SEMA5A: variants seen among roughly 807,000 people sequenced by gnomAD.
The protein encoded by SEMA5A is semaphorin 5A.
SEMA5A carries 55 observed loss-of-function variants against 135.5 expected under a neutral mutation model. The ratio of observed to expected loss-of-function variants is 0.41; its 90% CI spans 0.33 to 0.51. The LOEUF (loss-of-function observed/expected upper bound fraction) is 0.51. SEMA5A is among the 20% of genes least tolerant of loss of function. SEMA5A has a pLI of 0.37. For synonymous variants in SEMA5A, 580 were observed against 546.5 expected (o/e 1.06, Z -0.85); for missense variants, 1,290 against 1,419.9 (o/e 0.91, Z 1.47).
At chr5:9,311,248 T>C (rs1752117753) in intron 5 of SEMA5A, among the ~76,000 whole-genome samples, 1 of 152,016 alleles carries the variant, frequency 6.6e-6, no homozygotes, top group South Asian at 2.1e-4. Context: ...TGACAACTAA[T>C]AATGTCCCCA....
intron 5 of SEMA5A, among the ~76,000 whole-genome samples, chr5:9,244,791 G>A (rs1251853953): frequency 6.6e-6 from 1 of 152,224 alleles, no homozygotes; most frequent in Admixed American, 6.5e-5. Flanking sequence ...AGGCTTGGCA[G>A]CCCTTGAGCT....
intron 10 of SEMA5A, among the ~76,000 whole-genome samples, chr5:9,191,419 C>G (rs143189156): frequency 9.5e-4 from 144 of 152,286 alleles, no homozygotes; most frequent in African/African-American, 3.3e-3. Context: ...GAAACTACTA[C>G]CAATCCTTCT....
intron 11 of SEMA5A, among the ~76,000 whole-genome samples, chr5:9,157,426 C>T (rs956095723): frequency 3.3e-5 from 5 of 152,330 alleles, no homozygotes; most frequent in Admixed American, 6.5e-5. Context: ...ATGTGGCCTA[C>T]CAGCATGTCC....
At chr5:9,465,079 ATCCTGG>A (rs1759207007) in intron 1 of SEMA5A, among the ~76,000 whole-genome samples, 3 of 77,396 alleles carry the variant, frequency 3.9e-5, no homozygotes, top group African/African-American at 1.2e-4. Flanking sequence ...TGGATTCTGG[ATCCTGG>A]ATCCCCAACA....
At chr5:9,472,047 C>A (rs1387961530) in intron 1 of SEMA5A, among the ~76,000 whole-genome samples, 1 of 152,206 alleles carries the variant, frequency 6.6e-6, no homozygotes, top group Non-Finnish European at 1.5e-5. Flanking sequence ...GCACAACGTG[C>A]AGGTTTGTTA....
chr5:9,103,099 C>T (rs1350811799), intron 16 of SEMA5A, among the ~76,000 whole-genome samples: 1 of 152,198 alleles, frequency 6.6e-6, no homozygotes, highest in African/African-American at 2.4e-5. Flanking sequence ...GAGGGAGACA[C>T]AGCACCCTGG....
At chr5:9,114,898 A>C (rs918041509) in intron 15 of SEMA5A, among the ~76,000 whole-genome samples, 1 of 152,252 alleles carries the variant, frequency 6.6e-6, no homozygotes, top group African/African-American at 2.4e-5. Context: ...AACCTCAGAA[A>C]GATGAAAGAA....
At chr5:9,486,843 C>G (rs1356787709) in intron 1 of SEMA5A, among the ~76,000 whole-genome samples, 2 of 152,146 alleles carry the variant, frequency 1.3e-5, no homozygotes, top group East Asian at 3.9e-4. Flanking sequence ...CTTCTCCTCA[C>G]AGTTCTGAAT....
chr5:9,258,275 G>A (rs575370377), intron 5 of SEMA5A, among the ~76,000 whole-genome samples: 1 of 152,284 alleles, frequency 6.6e-6, no homozygotes, highest in Admixed American at 6.5e-5. Context: ...AAGAGGCTCA[G>A]GGAACCAAAA....
chr5:9,384,617 TAC>T (rs1395724373), intron 2 of SEMA5A, among the ~76,000 whole-genome samples: 49 of 103,462 alleles, frequency 4.7e-4, no homozygotes, highest in South Asian at 1.3e-3. Context: ...GATAGATAGA[TAC>T]ATAGATAGAT....
chr5:9,307,867 T>G (rs1480779330), intron 5 of SEMA5A, among the ~76,000 whole-genome samples: 1 of 152,178 alleles, frequency 6.6e-6, no homozygotes, highest in African/African-American at 2.4e-5. Flanking sequence ...ATTGCCTGAC[T>G]TCGTTTCATG....
At chr5:9,479,089 G>T (rs1039457230) in intron 1 of SEMA5A, among the ~76,000 whole-genome samples, 1 of 152,090 alleles carries the variant, frequency 6.6e-6, no homozygotes, top group African/African-American at 2.4e-5. Context: ...CATGTACGAC[G>T]TGCCTCACTT....
intron 1 of SEMA5A, among the ~76,000 whole-genome samples, chr5:9,449,459 A>G (rs887629613): frequency 6.6e-6 from 1 of 152,118 alleles, no homozygotes; most frequent in African/African-American, 2.4e-5. Context: ...TAGCTAATGG[A>G]TGCTGGGCTT....
At chr5:9,174,492 G>A (rs933193375) in intron 11 of SEMA5A, among the ~76,000 whole-genome samples, 2 of 152,132 alleles carry the variant, frequency 1.3e-5, no homozygotes, top group African/African-American at 2.4e-5. Flanking sequence ...AGGAAAGTTC[G>A]TCTGTAACAC....
rs1489213430 is a variant in SEMA5A at position 9,056,444 on chromosome 5, G to A, written c.2519-2187C>T. On this transcript the variant is annotated intron_variant, in intron 18 of 22. Coordinates refer to ENST00000382496, the MANE Select transcript of SEMA5A (RefSeq NM_003966.3). ...CCTCAAAAAATTAAAAACAGAGGCC[G>A]GGCATGGTGGCTCACACCTGTAATC... 3.9e-5 allele frequency among the ~76,000 whole-genome samples: 6 copies of A among 152,164 alleles called. No individual in the cohort carries two copies. The South Asian group carries it at 6.2e-4, about 16-fold the overall frequency.
At chr5:9,191,627 A>G (rs1278579129) in intron 10 of SEMA5A, among the ~76,000 whole-genome samples, 2 of 2,732 alleles carry the variant, frequency 7.3e-4, no homozygotes, top group Admixed American at 0.012. Flanking sequence ...CTTTTTGAAA[A>G]GTAGATGAGA....
intron 1 of SEMA5A, among the ~76,000 whole-genome samples, chr5:9,457,012 G>C (rs1413576196): frequency 6.6e-6 from 1 of 152,056 alleles, no homozygotes; most frequent in Non-Finnish European, 1.5e-5. Context: ...GAAAGATCTG[G>C]AATTTTCATA....
intron 10 of SEMA5A, among the ~76,000 whole-genome samples, chr5:9,194,836 C>T (rs1419404646): frequency 6.6e-6 from 1 of 152,164 alleles, no homozygotes; most frequent in Non-Finnish European, 1.5e-5. Flanking sequence ...TTCAGTGTGA[C>T]ACTGGCATTA....
chr5:9,292,931 ATGACCAAGAATTATC>A (rs1427306449), intron 5 of SEMA5A, among the ~76,000 whole-genome samples: 3 of 152,192 alleles, frequency 2.0e-5, no homozygotes, highest in African/African-American at 7.2e-5. Flanking sequence ...CAGAACCCCC[ATGACCAAGAATTATC>A]TGGCCCAAAA....
Sources: gnomAD v4.1 joint callset for allele counts (sites outside exome capture counted in the v4.1 genomes callset) on GRCh38, gnomAD v4.1.1 for gene constraint, MANE v1.5 for transcripts, NCBI Gene and HGNC (gene_info 2026-07-23, HGNC 2026-07-21) for gene names.